Variants in CCDC102B observed in about 807,000 individuals in gnomAD.
CCDC102B encodes the protein coiled-coil domain-containing protein 102B.
Under a neutral mutation model 57.4 loss-of-function variants are expected in CCDC102B, and 75 were observed. That is an observed-to-expected ratio of 1.31 (90% CI 1.08 to 1.58). The LOEUF is 1.58. Among genes scored for constraint, CCDC102B ranks in the 40% most tolerant of loss-of-function variants. CCDC102B has a pLI of 0.00. For missense variants in CCDC102B, 636 were observed against 582.6 expected, an observed-to-expected ratio of 1.09 and a Z score of -0.94; for synonymous variants, 206 against 201.9, an observed-to-expected ratio of 1.02 and a Z score of -0.17.
intron 1 of CCDC102B, among the ~76,000 whole-genome samples, chr18:68,832,164 G>A (rs1204591478): frequency 6.6e-6 from 1 of 151,530 alleles, no homozygotes; most frequent in Non-Finnish European, 1.5e-5. Context: ...AAGCAATAAC[G>A]ATAAACAATA....
chr18:68,995,215 C>A (rs149964917), intron 6 of CCDC102B, among the ~76,000 whole-genome samples: 2 of 152,086 alleles, frequency 1.3e-5, no homozygotes, highest in South Asian at 2.1e-4. Flanking sequence ...GGAAGCAGAG[C>A]GTAAAAATTT....
intron 5 of CCDC102B, among the ~76,000 whole-genome samples, chr18:68,884,469 A>T (rs1049389806): frequency 5.3e-5 from 8 of 151,972 alleles, no homozygotes; most frequent in Non-Finnish European, 8.8e-5. Context: ...AATAAAATTC[A>T]AATATATAGA....
intron 6 of CCDC102B, among the ~76,000 whole-genome samples, chr18:68,954,371 G>C (rs2049786621): frequency 6.6e-6 from 1 of 152,168 alleles, no homozygotes; most frequent in Non-Finnish European, 1.5e-5. Flanking sequence ...AGTGAGCCGA[G>C]ATCATGCCAC....
chr18:68,880,511 C>G (rs1014938758), intron 5 of CCDC102B, among the ~76,000 whole-genome samples: 1 of 152,206 alleles, frequency 6.6e-6, no homozygotes, highest in African/African-American at 2.4e-5. Context: ...GAGGAGGCGC[C>G]GAGAGCCAGC....
chr18:68,901,222 A>C (rs1274527225), intron 6 of CCDC102B, among the ~76,000 whole-genome samples: 3 of 152,290 alleles, frequency 2.0e-5, no homozygotes, highest in African/African-American at 4.8e-5. Flanking sequence ...CAACAAACAC[A>C]TGGGGAGTGT....
intron 7 of CCDC102B, among the ~76,000 whole-genome samples, chr18:69,031,772 G>T (rs545127444): frequency 4.5e-4 from 69 of 152,160 alleles, no homozygotes; most frequent in African/African-American, 1.5e-3. Flanking sequence ...ACAGCCGATG[G>T]TGTGGCAGGT....
chr18:68,949,539 C>T (rs1231606454), intron 6 of CCDC102B, among the ~76,000 whole-genome samples: 1 of 151,954 alleles, frequency 6.6e-6, no homozygotes, highest in Non-Finnish European at 1.5e-5. Flanking sequence ...GGAAACCATC[C>T]CTCAGGTGAA....
chr18:68,718,431 T>A (rs1485609950), intron 2 of CCDC102B, among the ~76,000 whole-genome samples: 1 of 152,218 alleles, frequency 6.6e-6, no homozygotes, highest in Non-Finnish European at 1.5e-5. Context: ...AGGTACTACA[T>A]GATTTTATTT....
chr18:68,756,079 A>G (rs1441365813), intron 2 of CCDC102B, among the ~76,000 whole-genome samples: 2 of 151,682 alleles, frequency 1.3e-5, no homozygotes, highest in African/African-American at 2.4e-5. Context: ...TAATTATTAA[A>G]CATTTTTTTA....
chr18:68,745,140 G>T (rs1249948860), intron 2 of CCDC102B, among the ~76,000 whole-genome samples: 1 of 152,126 alleles, frequency 6.6e-6, no homozygotes, highest in Non-Finnish European at 1.5e-5. Flanking sequence ...CAGTGGAAGT[G>T]ATGGACTTCT....
At chr18:68,895,814 G>A (rs1476442657) in intron 5 of CCDC102B, among the ~76,000 whole-genome samples, 2 of 151,770 alleles carry the variant, frequency 1.3e-5, no homozygotes, top group African/African-American at 4.8e-5. Context: ...TAAATGGTGG[G>A]ACCAGGATGA....
chr18:68,726,382 A>C (rs1260721980), intron 2 of CCDC102B, among the ~76,000 whole-genome samples: 1 of 152,200 alleles, frequency 6.6e-6, no homozygotes, highest in Non-Finnish European at 1.5e-5. Flanking sequence ...TAATTAAGGA[A>C]ATGTTACCTG....
chr18:68,810,423 C>T (rs2036198602), intron 1 of CCDC102B, among the ~76,000 whole-genome samples: 1 of 152,098 alleles, frequency 6.6e-6, no homozygotes, highest in African/African-American at 2.4e-5. Flanking sequence ...AATGGAAATA[C>T]AACAATAACC....
intron 7 of CCDC102B, among the ~76,000 whole-genome samples, chr18:69,052,043 G>T (rs898881899): frequency 1.0e-5 from 1 of 96,400 alleles, no homozygotes; most frequent in African/African-American, 2.8e-5. Context: ...TTAAACCAAA[G>T]ATCTCTTAAA....
intron 6 of CCDC102B, among the ~76,000 whole-genome samples, chr18:68,953,094 C>CTT (rs5825889): frequency 0.012 from 1,863 of 152,006 alleles, 19 homozygotes; most frequent in East Asian, 0.033. Flanking sequence ...ATTTTAGAAA[C>CTT]AATACTGAAA....
upstream of CCDC102B, among the ~76,000 whole-genome samples, chr18:68,795,380 A>G (rs2035596231): frequency 6.6e-6 from 1 of 152,206 alleles, no homozygotes; most frequent in African/African-American, 2.4e-5. Context: ...TTTCAGAATT[A>G]TATGTCTATT....
At chr18:68,866,585 T>C in intron 4 of CCDC102B, 1 of 290,520 alleles carries the variant, frequency 3.4e-6, no homozygotes. Flanking sequence ...CTCTGCTCTG[T>C]ATCAGAAAAG....
intron 2 of CCDC102B, among the ~76,000 whole-genome samples, chr18:68,791,370 G>C (rs200292039): frequency 6.6e-6 from 1 of 152,204 alleles, no homozygotes; most frequent in East Asian, 1.9e-4. Context: ...GAGTTCTTTT[G>C]AGAAAAAAGC....
At chr18:68,812,052 G>A (rs567083933) in intron 1 of CCDC102B, among the ~76,000 whole-genome samples, 55 of 152,276 alleles carry the variant, frequency 3.6e-4, no homozygotes, top group African/African-American at 1.3e-3. Flanking sequence ...ATACTTAACA[G>A]TGTTAGATTT....
Sources: gnomAD v4.1 joint callset for allele counts (sites outside exome capture counted in the v4.1 genomes callset) on GRCh38, gnomAD v4.1.1 for gene constraint, MANE v1.5 for transcripts, NCBI Gene and HGNC (gene_info 2026-07-23, HGNC 2026-07-21) for gene names.